Variants in TOX3 observed in about 807,000 individuals in gnomAD.
TOX3 encodes CAG trinucleotide repeat-containing gene F9 protein.
TOX3 carries 22 observed loss-of-function variants against 64.3 expected under a neutral mutation model. The observed-to-expected ratio is 0.34, with a 90% CI of 0.24 to 0.49. The LOEUF (loss-of-function observed/expected upper bound fraction) is 0.49, where lower values mean the gene tolerates loss of function less well. Among genes scored for constraint, TOX3 ranks in the 20% least tolerant of loss-of-function variants. TOX3 has a pLI of 0.99. For missense variants in TOX3, 661 were observed against 714.4 expected (o/e 0.93, Z 0.85); for synonymous variants, 291 against 273.6 (o/e 1.06, Z -0.63).
At chr16:52,547,308 C>A, upstream of TOX3, 1 of 146,232 alleles carries the variant, frequency 6.8e-6, no homozygotes, top group South Asian at 1.9e-4. Context: ...CCACCCCGCC[C>A]CGCCGGCCCC....
rs1963210945 is a variant in TOX3, at chr16:52,546,943, CG to C, written c.-221del. On this transcript the variant is annotated 5_prime_UTR_variant, in exon 1 of 7. Coordinates refer to ENST00000219746, the MANE Select transcript of TOX3 (RefSeq NM_001080430.4). The stretch of plus-strand genomic sequence containing the variant: ...GAGCCGCGGGAGAGCGGGAGGCGGC[CG>C]GGGGGACGCGCCCCGCCGGGGCACC... 2 of 995,510 alleles carry C rather than the reference CG, an allele frequency of 2.0e-6. No individual in the cohort carries two copies. Among genetic ancestry groups the C allele is most frequent in the Admixed American group, 6.2e-5 (1 of 16,122 alleles). The allele number at this position is 995,510 out of a possible 1,614,324, so 61.7% of individuals were successfully genotyped here.
intron 1 of TOX3, among the ~76,000 whole-genome samples, chr16:52,485,145 ATGTG>A (rs36079456): frequency 0.22 from 33,077 of 147,106 alleles, 4,452 homozygotes; most frequent in South Asian, 0.36. Flanking sequence ...ATGTGTGTAT[ATGTG>A]TGTGTATATA....
chr16:52,460,261 G>C (rs1960648947), intron 3 of TOX3, among the ~76,000 whole-genome samples: 1 of 152,250 alleles, frequency 6.6e-6, no homozygotes, highest in African/African-American at 2.4e-5. Context: ...GAAAATGTCA[G>C]TCCTCTAAAC....
intron 6 of TOX3, among the ~76,000 whole-genome samples, chr16:52,443,231 C>T (rs1960056410): frequency 6.6e-6 from 1 of 152,174 alleles, no homozygotes; most frequent in African/African-American, 2.4e-5. Flanking sequence ...ATGTGCAAGT[C>T]TGAGTACAAC....
intron 1 of TOX3, among the ~76,000 whole-genome samples, chr16:52,538,197 C>T (rs544756845): frequency 1.6e-4 from 24 of 152,196 alleles, no homozygotes; most frequent in African/African-American, 4.3e-4. Context: ...ATGGATCTAC[C>T]GAGTATATTT....
intron 3 of TOX3, among the ~76,000 whole-genome samples, chr16:52,460,784 GC>G (rs1197140315): frequency 1.3e-5 from 2 of 152,012 alleles, no homozygotes; most frequent in Non-Finnish European, 2.9e-5. Context: ...TCGTTCATCT[GC>G]TCTCTCTCAA....
In TOX3 at chr16:52,465,005, C is replaced by CTTT. The variant is rs1168498170; in HGVS notation, c.154-820_154-818dup. On this transcript the variant is annotated intron_variant, in intron 2 of 6. Transcript: ENST00000219746. Reference sequence around the variant, plus strand: ...AGACCTAAGTAAGTCTTAATGCATTCTTTTTTTTTTTTTTTTTTTTTTTTT... The same window carrying CTTT: ...AGACCTAAGTAAGTCTTAATGCATTCTTTTTTTTTTTTTTTTTTTTTTTTTTTT... Among the ~76,000 whole-genome samples the CTTT allele has an allele frequency of 8.5e-3, 602 of 70,914 alleles. 181 individuals carry two copies. Among genetic ancestry groups the CTTT allele is most frequent in the African/African-American group, 0.033 (543 of 16,706 alleles). The allele number at this position is 70,914 out of a possible 152,430, so 46.5% of individuals were successfully genotyped here.
chr16:52,515,478 T>C (rs185642381), intron 1 of TOX3, among the ~76,000 whole-genome samples: 1 of 152,342 alleles, frequency 6.6e-6, no homozygotes, highest in Non-Finnish European at 1.5e-5. Context: ...GCTTTGACAC[T>C]TAGAAATATT....
intron 1 of TOX3, among the ~76,000 whole-genome samples, chr16:52,485,246 G>GTA (rs34195222): frequency 0.054 from 6,913 of 127,694 alleles, 214 homozygotes; most frequent in African/African-American, 0.078. Context: ...ATGTGTGTGT[G>GTA]TATATATATA....
chr16:52,469,462 T>A (rs916887723), intron 1 of TOX3, among the ~76,000 whole-genome samples: 14 of 152,216 alleles, frequency 9.2e-5, no homozygotes, highest in African/African-American at 3.4e-4. Flanking sequence ...AGTATAATAA[T>A]CTAGAGCTAT....
intron 1 of TOX3, among the ~76,000 whole-genome samples, chr16:52,498,559 TC>T (rs1961913252): frequency 1.3e-5 from 2 of 151,850 alleles, no homozygotes; most frequent in African/African-American, 4.8e-5. Flanking sequence ...CCTCCCAACA[TC>T]CCTGTCAAAT....
At position 52,546,697 on chromosome 16, in the gene TOX3, C is replaced by A. The variant is rs1210656488; in HGVS notation, c.27G>T (p.Ala9=). ...AGTCCAGGCTGGCAGGGTCCCCGGC[C>A]GCCGCGGGGTAGAACCTCACATCCA... MDVRFYPA[A]AGDPASLDFA... Residue 9 remains alanine (A), a synonymous_variant, in exon 1 of 7, where the codon GCG becomes GCT. Coordinates refer to ENST00000219746, the MANE Select transcript of TOX3 (RefSeq NM_001080430.4). 3 of 1,540,562 alleles carry A rather than the reference C, an allele frequency of 1.9e-6. No individual in the cohort carries two copies. Among genetic ancestry groups the A allele is most frequent in the Non-Finnish European group, 2.6e-6 (3 of 1,147,182 alleles).
At chr16:52,507,065 G>A (rs185942742) in intron 1 of TOX3, among the ~76,000 whole-genome samples, 7 of 152,200 alleles carry the variant, frequency 4.6e-5, no homozygotes, top group Admixed American at 3.9e-4. Context: ...TAAAATGTTC[G>A]GCACTTCACT....
chr16:52,462,400 A>T (rs1015511787), intron 3 of TOX3, among the ~76,000 whole-genome samples: 1 of 152,148 alleles, frequency 6.6e-6, no homozygotes, highest in Admixed American at 6.5e-5. Flanking sequence ...ATGAAATTTC[A>T]TAGTCAAAAT....
At chr16:52,501,679 AAC>A (rs1026442558) in intron 1 of TOX3, among the ~76,000 whole-genome samples, 69 of 150,694 alleles carry the variant, frequency 4.6e-4, no homozygotes, top group African/African-American at 1.7e-3. Flanking sequence ...CAAACAAACA[AAC>A]AAAAAAAAAA....
In TOX3 at chr16:52,450,526, C is replaced by A; in HGVS notation, c.429G>T (p.Val143=). 1 of 1,614,020 alleles carries A rather than the reference C, an allele frequency of 6.2e-7. No homozygotes were observed. ...GGGAGGGATCCTGCCGGTACTGGGA[C>A]ACTTGTGTGTGGCTCTGATCCTAGA... ...GLHMDQSHTQ[V]SQYRQDPSLI... Residue 143 remains valine (V), a synonymous_variant, in exon 4 of 7, where the codon GTG becomes GTT. Transcript: ENST00000219746.
intron 1 of TOX3, among the ~76,000 whole-genome samples, chr16:52,539,008 T>G (rs576140425): frequency 6.6e-6 from 1 of 152,286 alleles, no homozygotes; most frequent in African/African-American, 2.4e-5. Context: ...TCAAAATATA[T>G]TTGAGTTTGT....
At chr16:52,514,076 G>A (rs999225173) in intron 1 of TOX3, among the ~76,000 whole-genome samples, 31 of 152,202 alleles carry the variant, frequency 2.0e-4, no homozygotes, top group African/African-American at 6.5e-4. Context: ...GGGAGAGCAA[G>A]AGATTTACAT....
intron 1 of TOX3, among the ~76,000 whole-genome samples, chr16:52,494,237 G>C (rs1437810114): frequency 6.6e-6 from 1 of 152,138 alleles, no homozygotes; most frequent in East Asian, 1.9e-4. Flanking sequence ...AGGCAATTTA[G>C]CTCTTACTAG....
Sources: allele counts gnomAD v4.1 joint callset (sites outside exome capture counted in the v4.1 genomes callset), GRCh38; gene constraint gnomAD v4.1.1; transcripts MANE v1.5; gene names NCBI Gene and HGNC (gene_info 2026-07-23, HGNC 2026-07-21).